EVC: variants seen among roughly 807,000 people sequenced by gnomAD.
The protein encoded by EVC is EvC ciliary complex subunit 1.
Under a neutral mutation model 118.9 loss-of-function variants are expected in EVC, and 116 were observed. The observed-to-expected ratio is 0.98, with a 90% CI of 0.84 to 1.14. EVC has a LOEUF of 1.14. Ranked by LOEUF, EVC falls within the 50% of genes most tolerant of loss-of-function variation. The pLI is 0.00. For missense variants in EVC, 1,401 were observed against 1,246.4 expected (o/e 1.12, Z -1.87); for synonymous variants, 619 against 534.7 (o/e 1.16, Z -2.18).
intron 11 of EVC, chr4:5,758,098 T>C: frequency 1.4e-6 from 1 of 702,194 alleles, no homozygotes; most frequent in Non-Finnish European, 2.6e-6. Context: ...TGAGAAGACA[T>C]AGAGACACAG....
chr4:5,778,589 T>G (rs1322280124), intron 11 of EVC, among the ~76,000 whole-genome samples: 1 of 152,200 alleles, frequency 6.6e-6, no homozygotes, highest in African/African-American at 2.4e-5. Context: ...CTGATGGCCA[T>G]TGATGGTGAG....
chr4:5,742,299 T>A lies in EVC; in HGVS notation c.801+485T>A, dbSNP rs1728720234. 6.6e-6 allele frequency among the ~76,000 whole-genome samples: 1 copy of A among 152,220 alleles called. No homozygotes were observed. The highest frequency in any genetic ancestry group is 1.5e-5 in the Non-Finnish European group (1 of 68,038). On this transcript the variant is annotated intron_variant, in intron 6 of 20. Transcript: ENST00000264956. The surrounding 1 kb of genome is among the most constrained non-coding windows in gnomAD (Gnocchi z 5.2). Reference sequence around the variant, plus strand: ...CCTTTTTGTATAGTGAGATAATTCCTGTTCTGCGAGAGTGCAGAAAGGATA... The same window carrying A: ...CCTTTTTGTATAGTGAGATAATTCCAGTTCTGCGAGAGTGCAGAAAGGATA...
chr4:5,809,623 A>AT lies in EVC; in HGVS notation c.2782+13dup, dbSNP rs770549797. 22 of 1,613,080 alleles carry AT rather than the reference A, an allele frequency of 1.4e-5. No homozygotes were observed. In the South Asian group the frequency reaches 2.3e-4, roughly 17 times the overall value. ...GCGTGGGCTGCTAGGTGAGTCACAG[A>AT]TGCTTGAGTTGCAGCGGGAAGCACT... is the stretch of plus-strand genomic sequence containing the variant. On this transcript the variant is annotated intron_variant, in intron 19 of 20. Coordinates refer to ENST00000264956, the MANE Select transcript of EVC (RefSeq NM_153717.3).
At chr4:5,817,894 T>C (rs1379502087), downstream of EVC, among the ~76,000 whole-genome samples, 1 of 152,162 alleles carries the variant, frequency 6.6e-6, no homozygotes, top group Non-Finnish European at 1.5e-5. Context: ...TGGCTTTACG[T>C]AGATGAAGGA....
intron 12 of EVC, among the ~76,000 whole-genome samples, chr4:5,785,714 C>T (rs1288315841): frequency 1.3e-5 from 2 of 152,230 alleles, no homozygotes; most frequent in African/African-American, 4.8e-5. Context: ...CTATTCAAAG[C>T]CCAGTGGCTG....
At chr4:5,828,580 C>T in the EVC span, 1 of 1,614,100 alleles carries the variant, frequency 6.2e-7, no homozygotes. Flanking sequence ...GTTGATGTTT[C>T]CGTCTTCAAA....
chr4:5,753,170 C>T (rs1253138928), intron 9 of EVC, 118 bp downstream of exon 9: 1 of 998,370 alleles, frequency 1.0e-6, no homozygotes, highest in East Asian at 2.6e-5. Flanking sequence ...GCACAGGCTG[C>T]CTTTCTGCTT....
intron 19 of EVC, among the ~76,000 whole-genome samples, 159 bp from the exon 20 acceptor site, chr4:5,810,180 C>T (rs1204842110): frequency 6.6e-6 from 1 of 152,210 alleles, no homozygotes; most frequent in Non-Finnish European, 1.5e-5. Context: ...GCCTCAGTTT[C>T]CTCATTAGTT....
chr4:5,752,494 G>A (rs1481903752), intron 8 of EVC, among the ~76,000 whole-genome samples: 1 of 152,160 alleles, frequency 6.6e-6, no homozygotes, highest in African/African-American at 2.4e-5. Flanking sequence ...ATTGGCCGGG[G>A]GAGATGACTA....
At chr4:5,717,061 T>C (rs1466945735) in intron 1 of EVC, among the ~76,000 whole-genome samples, 6 of 152,202 alleles carry the variant, frequency 3.9e-5, no homozygotes, top group African/African-American at 1.4e-4. Context: ...ATGATTCTTT[T>C]CCTTTTATAC....
chr4:5,766,841 T>C (rs1398807101), intron 11 of EVC, among the ~76,000 whole-genome samples: 5 of 151,308 alleles, frequency 3.3e-5, no homozygotes. Context: ...TCTTTGCCTT[T>C]GGTTTGAATT....
chr4:5,798,017 A>T lies in EVC; in HGVS notation c.2098-569A>T, dbSNP rs796612644. ...GGGAGCAGCTGCTGCTCTTTGACCC[A>T]TGAATGAGGCACAAGCCCACAGTCT... On this transcript the variant is annotated intron_variant, in intron 14 of 20. Transcript: ENST00000264956. The surrounding 1 kb of genome is among the most constrained non-coding windows in gnomAD (Gnocchi z 4.1). 1.5e-4 allele frequency among the ~76,000 whole-genome samples: 23 copies of T among 152,320 alleles called. No individual in the cohort carries two copies. The highest frequency in any genetic ancestry group is 5.5e-4 in the African/African-American group (23 of 41,590).
chr4:5,804,558 G>T lies in EVC; in HGVS notation c.2450-172G>T, dbSNP rs536759363. Among the ~76,000 whole-genome samples, 387 of 152,280 alleles carry T rather than the reference G, an allele frequency of 2.5e-3. 1 individual carries two copies. Among genetic ancestry groups the T allele is most frequent in the Admixed American group, 4.2e-3 (64 of 15,292 alleles). On this transcript the variant is annotated intron_variant, in intron 16 of 20. Coordinates refer to ENST00000264956, the MANE Select transcript of EVC (RefSeq NM_153717.3). The stretch of plus-strand genomic sequence containing the variant: ...TTTCGCTCTGCAGTGCCTGGTCCAT[G>T]ATGGAAGCTGTGTTGTTTGTGCACA...
chr4:5,745,037 TGAG>T (rs1729148090), intron 6 of EVC, among the ~76,000 whole-genome samples, 164 bp from the exon 7 acceptor site: 1 of 151,672 alleles, frequency 6.6e-6, no homozygotes, highest in Non-Finnish European at 1.5e-5. Context: ...CTATGTTTAA[TGAG>T]AAAATGGGTC....
intron 11 of EVC, among the ~76,000 whole-genome samples, chr4:5,781,331 G>A (rs766087441): frequency 3.3e-5 from 5 of 152,106 alleles, no homozygotes; most frequent in African/African-American, 4.8e-5. Flanking sequence ...GCTATCTCAG[G>A]GAGCTGTGGT....
At chr4:5,767,089 T>C (rs1490147112) in intron 11 of EVC, among the ~76,000 whole-genome samples, 1 of 150,648 alleles carries the variant, frequency 6.6e-6, no homozygotes, top group African/African-American at 2.4e-5. Context: ...GGTGTGGATG[T>C]CCTTTCTGTT....
intron 2 of EVC, among the ~76,000 whole-genome samples, chr4:5,724,614 CTCTG>C (rs1577339699): frequency 6.6e-6 from 1 of 152,058 alleles, no homozygotes; most frequent in Non-Finnish European, 1.5e-5. Context: ...GACTCATTTT[CTCTG>C]TCTGGAAGTG....
At chr4:5,786,467 A>G (rs961256906) in intron 12 of EVC, among the ~76,000 whole-genome samples, 7 of 152,232 alleles carry the variant, frequency 4.6e-5, no homozygotes, top group Admixed American at 2.6e-4. Context: ...GCATGCAGGA[A>G]GCAAGCAGGA....
intron 6 of EVC, among the ~76,000 whole-genome samples, chr4:5,744,674 C>A (rs577827772): frequency 7.0e-4 from 107 of 152,186 alleles, no homozygotes; most frequent in Non-Finnish European, 1.4e-3. Context: ...TCAGGCTTCC[C>A]CACACAGAAA....
Sources: allele counts gnomAD v4.1 joint callset (sites outside exome capture counted in the v4.1 genomes callset), GRCh38; gene constraint gnomAD v4.1.1; non-coding constraint Gnocchi (gnomAD v3.1); transcripts MANE v1.5; gene names NCBI Gene and HGNC (gene_info 2026-07-23, HGNC 2026-07-21).